The following KPNA4 variants were observed in gnomAD, a reference collection of about 807,000 sequenced individuals.
The protein encoded by KPNA4 is importin subunit alpha-3.
Under a neutral mutation model 71.3 loss-of-function variants are expected in KPNA4, and 13 were observed. The ratio of observed to expected loss-of-function variants is 0.18; its 90% CI spans 0.12 to 0.29. The LOEUF (loss-of-function observed/expected upper bound fraction) is 0.29. Among genes scored for constraint, KPNA4 ranks in the 10% least tolerant of loss-of-function variants. The pLI is 1.00. For synonymous variants in KPNA4, 189 were observed against 195.2 expected (o/e 0.97, Z 0.26); for missense variants, 334 against 603.2 (o/e 0.55, Z 4.67).
At chr3:160,557,168 C>T (rs1577064272) in intron 1 of KPNA4, among the ~76,000 whole-genome samples, 1 of 152,244 alleles carries the variant, frequency 6.6e-6, no homozygotes, top group East Asian at 1.9e-4. Context: ...TATTATCTTG[C>T]TTGTTTTTCT....
rs770269731 is a variant in KPNA4 at position 160,499,803 on chromosome 3, C to T, written c.*2301G>A. 7 of 152,092 alleles carry T rather than the reference C, an allele frequency of 4.6e-5. No individual in the cohort carries two copies. Among genetic ancestry groups the T allele is most frequent in the Admixed American group, 1.3e-4 (2 of 15,264 alleles). 9.4% of individuals were successfully genotyped at this position (152,092 alleles called of 1,614,324 possible). On this transcript the variant is annotated 3_prime_UTR_variant, in exon 17 of 17. Coordinates refer to ENST00000334256, the MANE Select transcript of KPNA4 (RefSeq NM_002268.5). ...AAATTATGTAAAGCATTGCTGTGTT[C>T]ACCTTCCAATTACTGAAACCTTCTG... is the stretch of plus-strand genomic sequence containing the variant.
In KPNA4 at chr3:160,565,375, C is replaced by A; in HGVS notation, c.-93G>T. The A allele has an allele frequency of 9.3e-7, 1 of 1,070,184 alleles. No homozygotes were observed. 66.3% of individuals were successfully genotyped at this position (1,070,184 alleles called of 1,614,324 possible). A position where few individuals can be genotyped will look rare whatever the true frequency, so the allele number is the denominator to read the frequency against. On this transcript the variant is annotated 5_prime_UTR_variant, in exon 1 of 17. Coordinates refer to ENST00000334256, the MANE Select transcript of KPNA4 (RefSeq NM_002268.5). ...GACACTCCCAGGAACCGGGCCGCCG[C>A]CTGAGCTGCTGTGCCCGCCGCGCCG...
At chr3:160,556,777 G>A (rs1439586204) in intron 1 of KPNA4, among the ~76,000 whole-genome samples, 1 of 152,170 alleles carries the variant, frequency 6.6e-6, no homozygotes, top group Non-Finnish European at 1.5e-5. Flanking sequence ...AATAAAAAGG[G>A]AATTGGGAAA....
intron 1 of KPNA4, among the ~76,000 whole-genome samples, chr3:160,548,743 T>C (rs1028862626): frequency 6.6e-6 from 1 of 152,222 alleles, no homozygotes; most frequent in East Asian, 1.9e-4. Context: ...CAAATGCTGC[T>C]ACTATAAACT....
chr3:160,563,428 C>G (rs766486724), intron 1 of KPNA4, among the ~76,000 whole-genome samples: 9 of 152,050 alleles, frequency 5.9e-5, no homozygotes, highest in Admixed American at 3.9e-4. Context: ...TTTTTGGGGC[C>G]GTGAAAATGT....
chr3:160,534,745 AAAC>A (rs1476424112), intron 5 of KPNA4, among the ~76,000 whole-genome samples: 1 of 151,306 alleles, frequency 6.6e-6, no homozygotes, highest in African/African-American at 2.4e-5. Flanking sequence ...AGAAATGTTC[AAAC>A]AACTTGGTAT....
At chr3:160,552,424 T>TA (rs555058528) in intron 1 of KPNA4, among the ~76,000 whole-genome samples, 5,997 of 150,568 alleles carry the variant, frequency 0.04, 168 homozygotes, top group Middle Eastern at 0.088. Context: ...CCTGTTTTCT[T>TA]AAAAAAAAAA....
intron 1 of KPNA4, 104 bp from the exon 2 acceptor site, chr3:160,536,944 T>C: frequency 1.8e-6 from 1 of 557,260 alleles, no homozygotes; most frequent in Non-Finnish European, 3.2e-6. Context: ...TCTTTTCTTT[T>C]AGCCATATGG....
At chr3:160,520,802 G>A (rs1391064394) in intron 11 of KPNA4, among the ~76,000 whole-genome samples, 1 of 152,094 alleles carries the variant, frequency 6.6e-6, no homozygotes, top group African/African-American at 2.4e-5. Context: ...ACAGACTAAC[G>A]GTTTCTCTTA....
At chr3:160,541,647 GCGCACACACACA>G (rs1306620867) in intron 1 of KPNA4, among the ~76,000 whole-genome samples, 2 of 111,400 alleles carry the variant, frequency 1.8e-5, no homozygotes, top group African/African-American at 4.1e-5. Flanking sequence ...AGTTATATAC[GCGCACACACACA>G]CACACACACA....
chr3:160,520,418 AT>A lies in KPNA4; in HGVS notation c.903+1360del, dbSNP rs59839490. ...AGGCACATGCCACCATGCCTGGCTAATTTTTTTTTTTTTTTTTGTATTTTAG... is the reference window on the plus strand; with the variant it reads ...AGGCACATGCCACCATGCCTGGCTAATTTTTTTTTTTTTTTTGTATTTTAG... On this transcript the variant is annotated intron_variant, in intron 11 of 16. Coordinates refer to ENST00000334256, the MANE Select transcript of KPNA4 (RefSeq NM_002268.5). Among the ~76,000 whole-genome samples, 983 of 137,214 alleles carry A rather than the reference AT, an allele frequency of 7.2e-3. 1 individual carries two copies. Among genetic ancestry groups the A allele is most frequent in the African/African-American group, 0.011 (404 of 37,238 alleles). 90.0% of individuals were successfully genotyped at this position (137,214 alleles called of 152,430 possible).
intron 1 of KPNA4, among the ~76,000 whole-genome samples, chr3:160,540,002 T>C (rs1721766462): frequency 6.7e-6 from 1 of 148,628 alleles, no homozygotes; most frequent in Admixed American, 6.7e-5. Flanking sequence ...TCTTTTCTTT[T>C]TTTTTTTTTT....
intron 7 of KPNA4, among the ~76,000 whole-genome samples, chr3:160,528,733 T>C (rs1721509668): frequency 6.6e-6 from 1 of 152,212 alleles, no homozygotes; most frequent in Non-Finnish European, 1.5e-5. Flanking sequence ...CAGTGATTCC[T>C]GGGCCATGTG....
At chr3:160,541,649 GCACACACACACA>G (rs60806533) in intron 1 of KPNA4, among the ~76,000 whole-genome samples, 40 of 146,756 alleles carry the variant, frequency 2.7e-4, no homozygotes, top group African/African-American at 9.4e-4. Context: ...TTATATACGC[GCACACACACACA>G]CACACACACA....
intron 7 of KPNA4, among the ~76,000 whole-genome samples, chr3:160,530,158 AAG>A (rs1721544868): frequency 1.3e-5 from 2 of 149,898 alleles, no homozygotes; most frequent in Non-Finnish European, 3.0e-5. Flanking sequence ...AAAAAAAAAA[AAG>A]AGAAAAATCT....
At position 160,509,805 on chromosome 3, in the gene KPNA4, C is replaced by A; in HGVS notation, c.1204G>T (p.Asp402Tyr). ...TTTTAAAAAGCTCAACTTACTTGAT[C>A]TTTCCTTCCACTAATTGTTAAGTTA... Reference protein sequence around the residue: ...ISNLTISGRKDQVAYLIQQNV... With the variant: ...ISNLTISGRKYQVAYLIQQNV... The change falls in exon 14 of 17, where the codon GAT (aspartate) becomes TAT (tyrosine). Residue 402 changes from aspartate (D) to tyrosine (Y), a missense_variant. Transcript: ENST00000334256. 6.3e-7 allele frequency: 1 copy of A among 1,595,874 alleles called. No homozygotes were observed. The highest frequency in any genetic ancestry group is 8.6e-7 in the Non-Finnish European group (1 of 1,164,108).
intron 1 of KPNA4, among the ~76,000 whole-genome samples, chr3:160,537,293 ACT>A (rs1181265735): frequency 6.6e-6 from 1 of 150,816 alleles, no homozygotes; most frequent in Non-Finnish European, 1.5e-5. Flanking sequence ...CATAGAAAAC[ACT>A]GTTAGATTTA....
chr3:160,548,318 A>G (rs1365795278), intron 1 of KPNA4, among the ~76,000 whole-genome samples: 3 of 152,212 alleles, frequency 2.0e-5, no homozygotes, highest in Admixed American at 6.5e-5. Context: ...TAAAAAACAC[A>G]TAACATAAGC....
At chr3:160,521,634 T>G in intron 11 of KPNA4, 145 bp downstream of exon 11, 1 of 748,412 alleles carries the variant, frequency 1.3e-6, no homozygotes, top group Non-Finnish European at 2.2e-6. Flanking sequence ...AATGGCATCT[T>G]ATTATTTATT....
Sources: allele counts gnomAD v4.1 joint callset (sites outside exome capture counted in the v4.1 genomes callset), GRCh38; gene constraint gnomAD v4.1.1; transcripts MANE v1.5; gene names NCBI Gene and HGNC (gene_info 2026-07-23, HGNC 2026-07-21).